Variants in PLSCR4 observed in about 807,000 individuals in gnomAD.
PLSCR4 encodes the protein phospholipid scramblase 4, also known as Ca(2+)-dependent phospholipid scramblase 4.
A neutral mutation model predicts 36.3 loss-of-function variants in PLSCR4; 25 were observed. That is an observed-to-expected ratio of 0.69 (90% CI 0.50 to 0.96). The LOEUF is 0.96. Ranked by LOEUF, PLSCR4 falls within the 40% of genes least tolerant of loss-of-function variation. The probability of loss-of-function intolerance (pLI) is 0.00; values close to 1 mark genes in which losing one functional copy is unlikely to be tolerated. For synonymous variants in PLSCR4, 122 were observed against 132.9 expected (o/e 0.92, Z 0.56); for missense variants, 408 against 414.7 (o/e 0.98, Z 0.14).
chr3:146,200,116 A>C (rs2033968049), intron 5 of PLSCR4, 77 bp from the exon 6 acceptor site: 2 of 818,286 alleles, frequency 2.4e-6, no homozygotes, highest in Non-Finnish European at 2.0e-6. Flanking sequence ...AGTATTTCTT[A>C]AGGGCTTAAA....
At chr3:146,247,903 T>G (rs552643184) in intron 1 of PLSCR4, among the ~76,000 whole-genome samples, 1 of 152,330 alleles carries the variant, frequency 6.6e-6, no homozygotes, top group African/African-American at 2.4e-5. Flanking sequence ...ATAACGGGCG[T>G]GAGCTACCGC....
intron 1 of PLSCR4, among the ~76,000 whole-genome samples, chr3:146,239,883 C>CA (rs2036076810): frequency 6.7e-6 from 1 of 148,244 alleles, no homozygotes; most frequent in African/African-American, 2.5e-5. Context: ...AACTCTATCT[C>CA]AAAAAAAGAA....
intron 1 of PLSCR4, among the ~76,000 whole-genome samples, chr3:146,223,992 A>G (rs1025075311): frequency 1.3e-5 from 2 of 150,190 alleles, no homozygotes; most frequent in African/African-American, 4.9e-5. Flanking sequence ...TCTGGGGCAT[A>G]CCAAAAAGTC....
chr3:146,204,488 A>T (rs1332619719), intron 4 of PLSCR4, among the ~76,000 whole-genome samples: 1 of 151,948 alleles, frequency 6.6e-6, no homozygotes, highest in East Asian at 1.9e-4. Flanking sequence ...GATAAAATTC[A>T]AGCAGCAAGA....
chr3:146,223,958 ATATT>A (rs72179951), intron 1 of PLSCR4, among the ~76,000 whole-genome samples: 52,354 of 145,072 alleles, frequency 0.36, 9,552 homozygotes, highest in African/African-American at 0.4. Flanking sequence ...TAAATAATAA[ATATT>A]TATTTATTTA....
chr3:146,231,349 C>A (rs1187193310), intron 1 of PLSCR4, among the ~76,000 whole-genome samples: 2 of 152,074 alleles, frequency 1.3e-5, no homozygotes, highest in Non-Finnish European at 2.9e-5. Context: ...TTTGGTAGAA[C>A]AATTTACATT....
At chr3:146,219,158 TATA>T (rs1429967302) in intron 3 of PLSCR4, among the ~76,000 whole-genome samples, 7 of 152,244 alleles carry the variant, frequency 4.6e-5, no homozygotes, top group Non-Finnish European at 7.3e-5. Flanking sequence ...TGGTCTGCAC[TATA>T]ATATTTTTAC....
chr3:146,214,939 A>G (rs1004043272), intron 3 of PLSCR4, among the ~76,000 whole-genome samples: 2 of 152,162 alleles, frequency 1.3e-5, no homozygotes, highest in South Asian at 2.1e-4. Context: ...TTTACTTCAT[A>G]TATTTTGGAG....
intron 1 of PLSCR4, among the ~76,000 whole-genome samples, chr3:146,242,479 GTT>G (rs1318571865): frequency 2.2e-5 from 3 of 133,864 alleles, no homozygotes; most frequent in African/African-American, 8.3e-5. Flanking sequence ...TTTGAGCTGA[GTT>G]TGAGCATTTT....
intron 1 of PLSCR4, among the ~76,000 whole-genome samples, chr3:146,235,957 TC>T (rs1338153961): frequency 6.6e-6 from 1 of 151,978 alleles, no homozygotes; most frequent in Non-Finnish European, 1.5e-5. Flanking sequence ...CAGCAAAACA[TC>T]AAGATGTGGC....
chr3:146,244,708 A>C (rs937738390), intron 1 of PLSCR4, among the ~76,000 whole-genome samples: 1 of 152,088 alleles, frequency 6.6e-6, no homozygotes, highest in South Asian at 2.1e-4. Context: ...ATTCCCTGAG[A>C]CAAAACAATA....
At chr3:146,196,060 T>C (rs2033719989) in intron 7 of PLSCR4, among the ~76,000 whole-genome samples, 1 of 152,154 alleles carries the variant, frequency 6.6e-6, no homozygotes, top group South Asian at 2.1e-4. Context: ...ACTCGTAGGG[T>C]AATGAACCAG....
intron 1 of PLSCR4, among the ~76,000 whole-genome samples, chr3:146,236,034 T>C (rs193291213): frequency 6.6e-6 from 1 of 152,152 alleles, no homozygotes; most frequent in East Asian, 1.9e-4. Flanking sequence ...CTGGAACTTA[T>C]ATTTAAAAGG....
intron 3 of PLSCR4, among the ~76,000 whole-genome samples, chr3:146,213,758 A>T (rs2034751005): frequency 1.3e-5 from 2 of 152,136 alleles, no homozygotes; most frequent in Admixed American, 1.3e-4. Flanking sequence ...AATTGTTTGT[A>T]TCTTTCTAGG....
chr3:146,196,054 G>A (rs1365496983), intron 7 of PLSCR4, among the ~76,000 whole-genome samples: 4 of 152,248 alleles, frequency 2.6e-5, no homozygotes, highest in East Asian at 1.9e-4. Flanking sequence ...TGTCAGACTC[G>A]TAGGGTAATG....
At chr3:146,205,839 T>C (rs2034297521) in intron 4 of PLSCR4, among the ~76,000 whole-genome samples, 1 of 152,132 alleles carries the variant, frequency 6.6e-6, no homozygotes, top group Non-Finnish European at 1.5e-5. Context: ...GCCAGCTTTA[T>C]CTTATTTTCA....
At chr3:146,208,751 ACT>A (rs1314266155) in intron 3 of PLSCR4, among the ~76,000 whole-genome samples, 1 of 152,086 alleles carries the variant, frequency 6.6e-6, no homozygotes, top group Admixed American at 6.6e-5. Context: ...ATAATCAAAA[ACT>A]CAAAAAATAA....
intron 1 of PLSCR4, among the ~76,000 whole-genome samples, chr3:146,240,982 A>C (rs553506540): frequency 6.6e-6 from 1 of 152,278 alleles, no homozygotes; most frequent in Non-Finnish European, 1.5e-5. Flanking sequence ...ATATCCCTAC[A>C]ATGAAATATG....
intron 1 of PLSCR4, among the ~76,000 whole-genome samples, chr3:146,236,487 G>A (rs1187863584): frequency 6.6e-6 from 1 of 152,106 alleles, no homozygotes; most frequent in African/African-American, 2.4e-5. Flanking sequence ...GGTGTTGTGG[G>A]AGGGACCCAG....
Sources: gnomAD v4.1 joint callset for allele counts (sites outside exome capture counted in the v4.1 genomes callset) on GRCh38, gnomAD v4.1.1 for gene constraint, MANE v1.5 for transcripts, NCBI Gene and HGNC (gene_info 2026-07-23, HGNC 2026-07-21) for gene names.